The following SCPEP1 variants were observed in gnomAD, a reference collection of about 807,000 sequenced individuals.
SCPEP1 encodes retinoid-inducible serine carboxypeptidase.
SCPEP1 carries 51 observed loss-of-function variants against 63.8 expected under a neutral mutation model. The ratio of observed to expected loss-of-function variants is 0.80; its 90% confidence interval spans 0.64 to 1.01. The LOEUF (loss-of-function observed/expected upper bound fraction) is 1.01. Ranked by LOEUF, SCPEP1 falls within the 50% of genes least tolerant of loss-of-function variation. The pLI is 0.00. For synonymous variants in SCPEP1, 204 were observed against 207.8 expected (o/e 0.98, Z 0.16); for missense variants, 499 against 554.9 (o/e 0.90, Z 1.01).
At chr17:56,987,083 T>G (rs1205501766) in intron 3 of SCPEP1, 1 of 152,388 alleles carries the variant, frequency 6.6e-6, no homozygotes, top group Non-Finnish European at 1.5e-5. Context: ...TGTCCGATCT[T>G]GTGACCTTAG....
chr17:56,990,414 T>G (rs1048686024), intron 5 of SCPEP1, among the ~76,000 whole-genome samples: 28 of 152,210 alleles, frequency 1.8e-4, no homozygotes, highest in Admixed American at 1.4e-3. Flanking sequence ...TTGGAAACTG[T>G]AACAAGCATA....
At chr17:56,985,524 C>T (rs1911190077) in intron 3 of SCPEP1, 57 bp downstream of exon 3, 1 of 1,327,044 alleles carries the variant, frequency 7.5e-7, no homozygotes, top group Non-Finnish European at 1.1e-6. Flanking sequence ...AGAGGCCCTG[C>T]CCAACTCTGG....
chr17:57,004,208 A>G (rs777422191), intron 12 of SCPEP1, among the ~76,000 whole-genome samples: 1 of 152,236 alleles, frequency 6.6e-6, no homozygotes, highest in Non-Finnish European at 1.5e-5. Context: ...CCTGGGCAAC[A>G]GAGTGAGACT....
At chr17:56,995,451 A>G in intron 7 of SCPEP1, 56 bp from the exon 8 acceptor site, 1 of 1,585,134 alleles carries the variant, frequency 6.3e-7, no homozygotes, top group East Asian at 2.2e-5. Flanking sequence ...CTGCAGCAAT[A>G]CCAGATTGAC....
At chr17:57,000,750 T>G (rs529324648) in intron 10 of SCPEP1, 105 bp from the exon 11 acceptor site, 403 of 1,320,538 alleles carry the variant, frequency 3.1e-4, no homozygotes, top group Admixed American at 3.7e-4. Flanking sequence ...CATCTGTGCA[T>G]TCAGTCGTTG....
intron 9 of SCPEP1, among the ~76,000 whole-genome samples, chr17:56,997,488 GTCA>G (rs1191113207): frequency 6.6e-6 from 1 of 152,190 alleles, no homozygotes; most frequent in Non-Finnish European, 1.5e-5. Flanking sequence ...ACTGAATTTA[GTCA>G]TCTTTCAGCC....
chr17:57,002,016 A>G lies in SCPEP1; in HGVS notation c.1133-2A>G, dbSNP rs1341168916. The G allele has an allele frequency of 6.2e-7, 1 of 1,610,668 alleles. No individual in the cohort carries two copies. ...GGCCTTTCTCTTTGTCCTTCTCACC[A>G]GGTCAGGAGGCCTGGGTGCGGAAAC... On this transcript the variant is annotated splice_acceptor_variant, in intron 11 of 12. Coordinates refer to ENST00000262288, the MANE Select transcript of SCPEP1 (RefSeq NM_021626.3). LOFTEE classifies it high-confidence loss of function.
chr17:56,996,453 C>T (rs769663464), intron 8 of SCPEP1, among the ~76,000 whole-genome samples: 1 of 152,164 alleles, frequency 6.6e-6, no homozygotes, highest in Non-Finnish European at 1.5e-5. Context: ...GATCCACCCA[C>T]CTCAGCCTCC....
chr17:56,998,945 C>A (rs1055204721), intron 10 of SCPEP1, among the ~76,000 whole-genome samples: 2 of 151,900 alleles, frequency 1.3e-5, no homozygotes, highest in Non-Finnish European at 2.9e-5. Flanking sequence ...CAGAGAGAAA[C>A]CCTGTTTCTT....
rs72842346 is a variant in SCPEP1 at position 56,985,857 on chromosome 17, C to T, written c.315+390C>T. Among the ~76,000 whole-genome samples the T allele has an allele frequency of 1.6e-3, 243 of 152,120 alleles. 1 individual carries two copies. The highest frequency in any genetic ancestry group is 2.3e-3 in the Non-Finnish European group (154 of 67,984). ...TCCTATCCTCCTACTTGTATCTTGA[C>T]TTCCCCTTTCAATGTCTCTCTTGCT... On this transcript the variant is annotated intron_variant, in intron 3 of 12. Transcript: ENST00000262288.
intron 1 of SCPEP1, among the ~76,000 whole-genome samples, chr17:56,978,656 C>T (rs1910985348): frequency 6.6e-6 from 1 of 152,152 alleles, no homozygotes; most frequent in South Asian, 2.1e-4. Context: ...TGAGATAAGG[C>T]CCTTTCTTTT....
At chr17:57,003,829 GA>G (rs1422515815) in intron 12 of SCPEP1, among the ~76,000 whole-genome samples, 1 of 152,194 alleles carries the variant, frequency 6.6e-6, no homozygotes. Context: ...AAAGACTGGA[GA>G]AAATGAATGA....
At chr17:56,992,350 C>T (rs1453140553) in intron 6 of SCPEP1, among the ~76,000 whole-genome samples, 3 of 151,838 alleles carry the variant, frequency 2.0e-5, no homozygotes, top group South Asian at 2.1e-4. Flanking sequence ...GGCTGCTATT[C>T]GTTTATCTGT....
At chr17:56,986,353 G>A (rs1332597395) in intron 3 of SCPEP1, among the ~76,000 whole-genome samples, 1 of 151,920 alleles carries the variant, frequency 6.6e-6, no homozygotes, top group Non-Finnish European at 1.5e-5. Context: ...CCGAGTAGCT[G>A]GGATTATAGG....
Position 56,987,766 on chromosome 17 carries a change from T to G in SCPEP1, c.387T>G (p.Gly129=), listed in dbSNP as rs1320381220. ...GGTTCAGTTATGTGAATGGTAGTGGTGCCTATGCCAAGGACCTGGCTATGG... is the reference window on the plus strand; with the variant it reads ...GGTTCAGTTATGTGAATGGTAGTGGGGCCTATGCCAAGGACCTGGCTATGG... ...GTGFSYVNGS[G]AYAKDLAMVA... The change falls in exon 4 of 13, where the codon GGT becomes GGG. Residue 129 remains glycine, a synonymous_variant. Coordinates refer to ENST00000262288, the MANE Select transcript of SCPEP1 (RefSeq NM_021626.3). The G allele has an allele frequency of 6.2e-7, 1 of 1,614,156 alleles. No individual in the cohort carries two copies. The highest frequency in any genetic ancestry group is 1.7e-5 in the Admixed American group (1 of 60,018).
chr17:56,980,283 T>A (rs148886747), intron 1 of SCPEP1, among the ~76,000 whole-genome samples: 1 of 152,214 alleles, frequency 6.6e-6, no homozygotes. Context: ...CCCAGCTAAT[T>A]TTTGCATTTT....
At chr17:56,984,943 A>G (rs1911170496) in intron 2 of SCPEP1, 1 of 178,314 alleles carries the variant, frequency 5.6e-6, no homozygotes, top group South Asian at 1.1e-4. Context: ...TACAAAAAAT[A>G]CAAAAATTAG....
chr17:57,001,015 A>G (rs778745728), intron 11 of SCPEP1, 23 bp downstream of exon 11: 1 of 1,613,790 alleles, frequency 6.2e-7, no homozygotes, highest in Non-Finnish European at 8.5e-7. Context: ...TCTGAGAGGC[A>G]CCTAGAGGCA....
chr17:56,980,114 G>T (rs1598111784), intron 1 of SCPEP1, among the ~76,000 whole-genome samples: 1 of 151,896 alleles, frequency 6.6e-6, no homozygotes, highest in African/African-American at 2.4e-5. Flanking sequence ...TGTTTGGTTG[G>T]TTGGTTTTTT....
Sources: gnomAD v4.1 joint callset for allele counts (sites outside exome capture counted in the v4.1 genomes callset) on GRCh38, gnomAD v4.1.1 for gene constraint, MANE v1.5 for transcripts, NCBI Gene and HGNC (gene_info 2026-07-23, HGNC 2026-07-21) for gene names.